The following SFTPD variants were observed in gnomAD, a reference collection of about 807,000 sequenced individuals.
SFTPD encodes the protein pulmonary surfactant-associated protein D.
SFTPD carries 18 observed loss-of-function variants against 34.6 expected under a neutral mutation model. The ratio of observed to expected loss-of-function variants is 0.52; its 90% confidence interval spans 0.36 to 0.77. The LOEUF is 0.77. SFTPD is among the 30% of genes least tolerant of loss of function. SFTPD has a pLI of 0.00. For missense variants in SFTPD, 433 were observed against 468.9 expected (o/e 0.92, Z 0.71); for synonymous variants, 155 against 180.9 (o/e 0.86, Z 1.15).
chr10:79,981,521 C>T (rs1199391857), intron 1 of SFTPD, among the ~76,000 whole-genome samples: 1 of 152,182 alleles, frequency 6.6e-6, no homozygotes, highest in African/African-American at 2.4e-5. Flanking sequence ...GGCACCCCGA[C>T]CTTCGCGGCC....
At chr10:79,943,748 G>A (rs1481472447) in intron 2 of SFTPD, among the ~76,000 whole-genome samples, 1 of 152,182 alleles carries the variant, frequency 6.6e-6, no homozygotes, top group African/African-American at 2.4e-5. Context: ...CCTGGGTCCA[G>A]CCACTGGTTA....
chr10:79,964,211 C>T (rs1842790648), intron 1 of SFTPD, among the ~76,000 whole-genome samples: 1 of 152,182 alleles, frequency 6.6e-6, no homozygotes, highest in Non-Finnish European at 1.5e-5. Flanking sequence ...TCCTGCACCA[C>T]CATACTGTTA....
At chr10:79,965,014 C>T (rs756675250) in intron 1 of SFTPD, among the ~76,000 whole-genome samples, 1 of 152,144 alleles carries the variant, frequency 6.6e-6, no homozygotes, top group African/African-American at 2.4e-5. Context: ...GTTTCTCAGG[C>T]TTTTGGTATT....
chr10:79,962,540 T>C (rs1226816290), intron 1 of SFTPD, among the ~76,000 whole-genome samples: 8 of 152,118 alleles, frequency 5.3e-5, no homozygotes. Context: ...AGCTATTTTT[T>C]AGTTCTTCTC....
chr10:79,961,770 T>A (rs1382600561), intron 1 of SFTPD, among the ~76,000 whole-genome samples: 1 of 152,142 alleles, frequency 6.6e-6, no homozygotes, highest in Non-Finnish European at 1.5e-5. Flanking sequence ...GAAATACCAT[T>A]TGACCCAGCC....
intron 1 of SFTPD, among the ~76,000 whole-genome samples, chr10:79,956,084 A>G (rs540981226): frequency 6.6e-6 from 1 of 152,328 alleles, no homozygotes; most frequent in South Asian, 2.1e-4. Flanking sequence ...TATAGAATCC[A>G]TCTGATTTTA....
At chr10:79,956,107 T>C (rs1349202641) in intron 1 of SFTPD, among the ~76,000 whole-genome samples, 1 of 150,804 alleles carries the variant, frequency 6.6e-6, no homozygotes, top group African/African-American at 2.4e-5. Context: ...TGAAAATGAT[T>C]TATATATTTA....
intron 1 of SFTPD, among the ~76,000 whole-genome samples, chr10:79,962,150 TG>T (rs1212849197): frequency 1.6e-5 from 1 of 62,072 alleles, no homozygotes; most frequent in Non-Finnish European, 2.9e-5. Context: ...TGTTGTGGGG[TG>T]GGGGGAGGGG....
At chr10:79,973,570 A>T (rs1842847315) in intron 1 of SFTPD, among the ~76,000 whole-genome samples, 2 of 144,368 alleles carry the variant, frequency 1.4e-5, no homozygotes, top group South Asian at 4.4e-4. Context: ...GTGAGCCGGG[A>T]TCCCGCCACT....
Position 79,937,978 on chromosome 10 carries a change from A to C in SFTPD, c.1002T>G (p.Tyr334Ter), listed in dbSNP as rs932586299. Reference sequence around the variant, plus strand: ...TGGGCTCCCCTGGGGCCCAGTTGGAATAGACCAGGGACTCTCCTGTGGGGT... The same window carrying C: ...TGGGCTCCCCTGGGGCCCAGTTGGACTAGACCAGGGACTCTCCTGTGGGGT... ...FTYPTGESLV[Y>*]SNWAPGEPND... Residue 334 changes from tyrosine to a stop codon, truncating the protein, a stop_gained, in exon 8 of 8, where the codon TAT becomes TAG. Transcript: ENST00000372292. LOFTEE classifies it high-confidence loss of function. The C allele has an allele frequency of 6.2e-7, 1 of 1,613,780 alleles. No individual in the cohort carries two copies. Among genetic ancestry groups the C allele is most frequent in the Non-Finnish European group, 8.5e-7 (1 of 1,179,742 alleles).
chr10:79,948,827 C>T (rs140938553), intron 1 of SFTPD, among the ~76,000 whole-genome samples: 1 of 152,192 alleles, frequency 6.6e-6, no homozygotes, highest in East Asian at 1.9e-4. Flanking sequence ...CACACCCACT[C>T]TTCCACCCTG....
intron 1 of SFTPD, among the ~76,000 whole-genome samples, chr10:79,956,659 G>A (rs1458069378): frequency 1.3e-5 from 2 of 152,242 alleles, no homozygotes; most frequent in African/African-American, 2.4e-5. Flanking sequence ...CGGGAAGCTC[G>A]AACTGGGTGG....
rs546682384 is a variant in SFTPD at position 79,973,771 on chromosome 10, C to T, written c.36+8804G>A. On this transcript the variant is annotated intron_variant, in intron 1 of 5. Transcript: ENST00000444384. ...ACATGTGAGAGCAAGGACAGGGTACCCAGCTCTAGTTCATAGCTTGCATCT... is the reference window on the plus strand; with the variant it reads ...ACATGTGAGAGCAAGGACAGGGTACTCAGCTCTAGTTCATAGCTTGCATCT... 1.2e-3 allele frequency among the ~76,000 whole-genome samples: 181 copies of T among 152,172 alleles called. 1 individual carries two copies. Among genetic ancestry groups the T allele is most frequent in the Non-Finnish European group, 2.0e-3 (135 of 68,022 alleles).
intron 7 of SFTPD, 151 bp from the exon 8 acceptor site, chr10:79,938,379 CAGAACAG>C: frequency 1.5e-6 from 1 of 689,290 alleles, no homozygotes; most frequent in Non-Finnish European, 2.4e-6. Flanking sequence ...GAGATTGTTC[CAGAACAG>C]CCCCCGTCCC....
intron 1 of SFTPD, among the ~76,000 whole-genome samples, chr10:79,975,527 T>G (rs1447507275): frequency 3.3e-5 from 5 of 152,088 alleles, no homozygotes; most frequent in African/African-American, 4.8e-5. Context: ...CAACTGTTGC[T>G]CCGGCGACCC....
chr10:79,975,323 T>A (rs1292573125), intron 1 of SFTPD, among the ~76,000 whole-genome samples: 1 of 152,184 alleles, frequency 6.6e-6, no homozygotes, highest in African/African-American at 2.4e-5. Context: ...ATAAAACTGC[T>A]CTGTAACCTC....
At chr10:79,956,147 A>C (rs896505807) in intron 1 of SFTPD, among the ~76,000 whole-genome samples, 2 of 152,246 alleles carry the variant, frequency 1.3e-5, no homozygotes, top group African/African-American at 2.4e-5. Context: ...GTGAGAAAAA[A>C]GTTTAAAATC....
chr10:79,968,036 A>T (rs968160434), intron 1 of SFTPD, among the ~76,000 whole-genome samples: 1 of 152,136 alleles, frequency 6.6e-6, no homozygotes, highest in African/African-American at 2.4e-5. Context: ...AGAAAAAAAA[A>T]AAAAAGTTAT....
At chr10:79,940,038 C>G (rs373977320) in intron 7 of SFTPD, among the ~76,000 whole-genome samples, 1 of 152,304 alleles carries the variant, frequency 6.6e-6, no homozygotes, top group Non-Finnish European at 1.5e-5. Flanking sequence ...CAGCCTGCCC[C>G]CTATTTGAAC....
Sources: allele counts gnomAD v4.1 joint callset (sites outside exome capture counted in the v4.1 genomes callset), GRCh38; gene constraint gnomAD v4.1.1; transcripts MANE v1.5; gene names NCBI Gene and HGNC (gene_info 2026-07-23, HGNC 2026-07-21).